LHFPL3: variants seen among roughly 807,000 people sequenced by gnomAD.
The protein encoded by LHFPL3 is LHFPL tetraspan subfamily member 3 protein.
Under a neutral mutation model 19.3 loss-of-function variants are expected in LHFPL3, and 5 were observed. That is an observed-to-expected ratio of 0.26 (90% confidence interval 0.14 to 0.54). The LOEUF (loss-of-function observed/expected upper bound fraction) is 0.54. LHFPL3 is among the 20% of genes least tolerant of loss of function. The probability of loss-of-function intolerance (pLI) is 0.94; values close to 1 mark genes in which losing one functional copy is unlikely to be tolerated. For synonymous variants in LHFPL3, 133 were observed against 126.2 expected (o/e 1.05, Z -0.36); for missense variants, 249 against 307.4 (o/e 0.81, Z 1.42).
chr7:104,504,445 T>C (rs1330774167), intron 1 of LHFPL3, among the ~76,000 whole-genome samples: 1 of 152,210 alleles, frequency 6.6e-6, no homozygotes, highest in Admixed American at 6.5e-5. Flanking sequence ...ACTTATGTGT[T>C]TCCCTTATGA....
At chr7:104,732,926 CT>C (rs1206334426) in intron 1 of LHFPL3, among the ~76,000 whole-genome samples, 1 of 152,186 alleles carries the variant, frequency 6.6e-6, no homozygotes, top group African/African-American at 2.4e-5. Flanking sequence ...TATGTTGTGT[CT>C]TTGTTCTCAT....
chr7:104,556,416 T>C (rs1013285425), intron 1 of LHFPL3, among the ~76,000 whole-genome samples: 5 of 152,206 alleles, frequency 3.3e-5, no homozygotes, highest in African/African-American at 7.2e-5. Context: ...CTCAATACCA[T>C]GTGGAAGCTA....
chr7:104,525,967 C>T (rs751210433), intron 1 of LHFPL3, among the ~76,000 whole-genome samples: 3 of 152,086 alleles, frequency 2.0e-5, no homozygotes, highest in Non-Finnish European at 4.4e-5. Context: ...GGCACACTCT[C>T]CCAACTGAAT....
chr7:104,642,996 A>G (rs1192199118), intron 1 of LHFPL3, among the ~76,000 whole-genome samples: 2 of 152,234 alleles, frequency 1.3e-5, no homozygotes, highest in African/African-American at 4.8e-5. Flanking sequence ...GTCTAACTTT[A>G]GTGATATTTG....
chr7:104,516,488 ATTAAT>A (rs1399428729), intron 1 of LHFPL3, among the ~76,000 whole-genome samples: 3 of 152,166 alleles, frequency 2.0e-5, no homozygotes, highest in Non-Finnish European at 2.9e-5. Flanking sequence ...ATTACATGTA[ATTAAT>A]TTTATTTGCC....
intron 1 of LHFPL3, among the ~76,000 whole-genome samples, chr7:104,714,281 C>G (rs2116224635): frequency 6.6e-6 from 1 of 152,252 alleles, no homozygotes; most frequent in Non-Finnish European, 1.5e-5. Flanking sequence ...GAGACACTTT[C>G]TTGATCTAAA....
chr7:104,394,304 C>T (rs1036186298), intron 1 of LHFPL3, among the ~76,000 whole-genome samples: 2 of 152,106 alleles, frequency 1.3e-5, no homozygotes, highest in Non-Finnish European at 2.9e-5. Flanking sequence ...TGCATCTGTG[C>T]CTCTGGTCCT....
chr7:104,369,908 C>T (rs979963841), intron 1 of LHFPL3, among the ~76,000 whole-genome samples: 1 of 152,132 alleles, frequency 6.6e-6, no homozygotes, highest in Non-Finnish European at 1.5e-5. Context: ...AAATATAAGT[C>T]ATTTATGAAA....
At chr7:104,349,981 A>G (rs1464357821) in intron 1 of LHFPL3, among the ~76,000 whole-genome samples, 7 of 152,136 alleles carry the variant, frequency 4.6e-5, no homozygotes, top group Non-Finnish European at 1.0e-4. Context: ...TCCTTATACC[A>G]AGTACTATTC....
At chr7:104,649,077 A>T (rs142708511) in intron 1 of LHFPL3, among the ~76,000 whole-genome samples, 116 of 152,344 alleles carry the variant, frequency 7.6e-4, no homozygotes, top group African/African-American at 2.5e-3. Context: ...GCTGCTGCTC[A>T]GCTAACATCA....
intron 1 of LHFPL3, among the ~76,000 whole-genome samples, chr7:104,539,047 A>G (rs1188307806): frequency 6.6e-6 from 1 of 152,208 alleles, no homozygotes; most frequent in Non-Finnish European, 1.5e-5. Context: ...TCTACAAGCT[A>G]GGAGAGTAAA....
At chr7:104,568,628 C>T (rs1360627398) in intron 1 of LHFPL3, among the ~76,000 whole-genome samples, 1 of 152,208 alleles carries the variant, frequency 6.6e-6, no homozygotes, top group Non-Finnish European at 1.5e-5. Flanking sequence ...TGTACAGCCT[C>T]CCTCTGGTGG....
intron 1 of LHFPL3, among the ~76,000 whole-genome samples, chr7:104,671,331 C>T (rs1792477421): frequency 6.6e-6 from 1 of 151,950 alleles, no homozygotes; most frequent in African/African-American, 2.4e-5. Context: ...ACTCTCCTTC[C>T]AAATAGTTAT....
chr7:104,601,491 G>A (rs188945803), intron 1 of LHFPL3, among the ~76,000 whole-genome samples: 23 of 152,270 alleles, frequency 1.5e-4, no homozygotes, highest in Admixed American at 2.0e-4. Flanking sequence ...AGTGACAAGC[G>A]CTCTGAATGA....
intron 2 of LHFPL3, among the ~76,000 whole-genome samples, chr7:104,890,202 C>T (rs1340426414): frequency 6.6e-6 from 1 of 152,174 alleles, no homozygotes; most frequent in Non-Finnish European, 1.5e-5. Context: ...ACTCAAGAGC[C>T]TGAGTTGGGA....
At chr7:104,777,301 TG>T (rs889813134) in intron 2 of LHFPL3, among the ~76,000 whole-genome samples, 7 of 152,252 alleles carry the variant, frequency 4.6e-5, no homozygotes, top group Middle Eastern at 3.2e-3. Flanking sequence ...GTGATAGGTT[TG>T]AGCCATTGTG....
intron 1 of LHFPL3, among the ~76,000 whole-genome samples, chr7:104,453,295 G>A (rs1242260630): frequency 2.0e-5 from 3 of 151,108 alleles, no homozygotes; most frequent in Admixed American, 1.3e-4. Context: ...TTAAGCACTA[G>A]GGGGAGATGG....
intron 1 of LHFPL3, among the ~76,000 whole-genome samples, chr7:104,647,168 A>C (rs1260865395): frequency 6.6e-6 from 1 of 152,214 alleles, no homozygotes; most frequent in Non-Finnish European, 1.5e-5. Context: ...ATAGTAGCTG[A>C]AGCATATGAG....
At chr7:104,585,506 C>CACACACACAG (rs1350806436) in intron 1 of LHFPL3, among the ~76,000 whole-genome samples, 2 of 146,874 alleles carry the variant, frequency 1.4e-5, no homozygotes, top group African/African-American at 5.1e-5. Flanking sequence ...CACACACACA[C>CACACACACAG]ACACACACAC....
Sources: allele counts gnomAD v4.1 joint callset (sites outside exome capture counted in the v4.1 genomes callset), GRCh38; gene constraint gnomAD v4.1.1; transcripts MANE v1.5; gene names NCBI Gene and HGNC (gene_info 2026-07-23, HGNC 2026-07-21).